Variants in ADCY2 observed in about 807,000 individuals in gnomAD.
The protein encoded by ADCY2 is adenylate cyclase 2, also known as adenylate cyclase type 2.
A neutral mutation model predicts 125.2 loss-of-function variants in ADCY2; 31 were observed. That is an observed-to-expected ratio of 0.25 (90% confidence interval 0.19 to 0.33). ADCY2 has a LOEUF of 0.33. ADCY2 is among the 10% of genes least tolerant of loss of function. The pLI, the probability that ADCY2 is intolerant of heterozygous loss-of-function variation, is 1.00. For missense variants in ADCY2, 904 were observed against 1,418.2 expected, an observed-to-expected ratio of 0.64 and a Z score of 5.82; for synonymous variants, 512 against 548.4, an observed-to-expected ratio of 0.93 and a Z score of 0.93.
chr5:7,568,912 G>T (rs1013258294), intron 3 of ADCY2, among the ~76,000 whole-genome samples: 3 of 152,142 alleles, frequency 2.0e-5, no homozygotes, highest in African/African-American at 7.2e-5. Context: ...AACATCTGTA[G>T]ACTTCCCATC....
chr5:7,652,858 C>T (rs921843469), intron 4 of ADCY2, among the ~76,000 whole-genome samples: 1 of 152,184 alleles, frequency 6.6e-6, no homozygotes, highest in African/African-American at 2.4e-5. Context: ...CCAAGACACA[C>T]TGACCTGTCA....
intron 4 of ADCY2, among the ~76,000 whole-genome samples, chr5:7,689,616 G>A (rs1248902639): frequency 6.6e-6 from 1 of 152,032 alleles, no homozygotes. Flanking sequence ...CCACCAAAGC[G>A]ATGTGCACTA....
intron 7 of ADCY2, among the ~76,000 whole-genome samples, chr5:7,701,851 C>T (rs1437567823): frequency 6.6e-6 from 1 of 152,114 alleles, no homozygotes; most frequent in East Asian, 1.9e-4. Context: ...GTGTAATATT[C>T]CCCCGTAGGT....
Position 7,773,022 on chromosome 5 carries a change from G to A in ADCY2, c.2305G>A (p.Ala769Thr), listed in dbSNP as rs998179745. 1 of 1,613,998 alleles carries A rather than the reference G, an allele frequency of 6.2e-7. No individual in the cohort carries two copies. The highest frequency in any genetic ancestry group is 8.5e-7 in the Non-Finnish European group (1 of 1,180,032). The change falls in exon 18 of 25, where the codon GCC (alanine) becomes ACC (threonine). Residue 769 changes from alanine to threonine, a missense_variant. Coordinates refer to ENST00000338316, the MANE Select transcript of ADCY2 (RefSeq NM_020546.3). ...YELKMLIMMVALVGYNTILLH... is the reference protein window; with the variant it reads ...YELKMLIMMVTLVGYNTILLH... ...GCTGAAGATGTTGATCATGATGGTGGCCTTGGTGGGCTACAACACCATCCT... is the reference window on the plus strand; with the variant it reads ...GCTGAAGATGTTGATCATGATGGTGACCTTGGTGGGCTACAACACCATCCT...
At chr5:7,784,908 A>G (rs1357037643) in intron 19 of ADCY2, among the ~76,000 whole-genome samples, 1 of 152,208 alleles carries the variant, frequency 6.6e-6, no homozygotes, top group Non-Finnish European at 1.5e-5. Flanking sequence ...CCCCTGTTAA[A>G]AAGTTTTATT....
chr5:7,716,155 A>G (rs1468579758), intron 11 of ADCY2, among the ~76,000 whole-genome samples: 1 of 152,208 alleles, frequency 6.6e-6, no homozygotes, highest in Non-Finnish European at 1.5e-5. Flanking sequence ...TATTATGGCT[A>G]AAGGTTATTT....
At chr5:7,533,359 G>T (rs867471058) in intron 3 of ADCY2, among the ~76,000 whole-genome samples, 1 of 151,910 alleles carries the variant, frequency 6.6e-6, no homozygotes, top group East Asian at 1.9e-4. Context: ...TTTGGGATTT[G>T]CTCTTTCTCC....
At chr5:7,538,250 T>C (rs1734885239) in intron 3 of ADCY2, among the ~76,000 whole-genome samples, 1 of 152,196 alleles carries the variant, frequency 6.6e-6, no homozygotes, top group Non-Finnish European at 1.5e-5. Flanking sequence ...AGCTTTAATT[T>C]TGGAGCCAGG....
chr5:7,709,142 G>A lies in ADCY2; in HGVS notation c.1402-69G>A. On this transcript the variant is annotated intron_variant, in intron 9 of 24. Transcript: ENST00000338316. The surrounding 1 kb of genome is among the most constrained non-coding windows in gnomAD (Gnocchi z 4.4). ...GGAGGAATGACCCTAGTCCAATGAG[G>A]TCGATGCCAAAAGGATCATGTGTGG... 1 of 1,446,064 alleles carries A rather than the reference G, an allele frequency of 6.9e-7. No individual in the cohort carries two copies. Among genetic ancestry groups the A allele is most frequent in the Non-Finnish European group, 9.2e-7 (1 of 1,089,226 alleles). The allele number at this position is 1,446,064 out of a possible 1,614,324, so 89.6% of individuals were successfully genotyped here.
At chr5:7,607,050 C>T (rs1238449900) in intron 3 of ADCY2, among the ~76,000 whole-genome samples, 1 of 152,160 alleles carries the variant, frequency 6.6e-6, no homozygotes, top group East Asian at 1.9e-4. Context: ...GCCCTTTGAT[C>T]CTGTTCTGCC....
intron 2 of ADCY2, among the ~76,000 whole-genome samples, chr5:7,501,148 G>T (rs969971172): frequency 2.8e-5 from 4 of 140,680 alleles, no homozygotes; most frequent in African/African-American, 1.1e-4. Context: ...AAAAAAAAAG[G>T]TCTACATTTT....
intron 20 of ADCY2, among the ~76,000 whole-genome samples, chr5:7,791,774 A>G (rs1744254219): frequency 6.6e-6 from 1 of 152,064 alleles, no homozygotes; most frequent in Admixed American, 6.5e-5. Flanking sequence ...GGATACAGAG[A>G]TGAATGGGAT....
chr5:7,592,596 A>C (rs893942430), intron 3 of ADCY2, among the ~76,000 whole-genome samples: 13 of 152,176 alleles, frequency 8.5e-5, no homozygotes, highest in African/African-American at 3.1e-4. Flanking sequence ...AATATATAAG[A>C]AAACTATAAG....
At chr5:7,543,604 G>A (rs964116008) in intron 3 of ADCY2, among the ~76,000 whole-genome samples, 4 of 152,088 alleles carry the variant, frequency 2.6e-5, no homozygotes, top group African/African-American at 9.7e-5. Flanking sequence ...AAGAGTAATT[G>A]CAAAAACCAC....
At chr5:7,666,764 C>A (rs552570830) in intron 4 of ADCY2, among the ~76,000 whole-genome samples, 2 of 152,298 alleles carry the variant, frequency 1.3e-5, no homozygotes, top group Admixed American at 1.3e-4. Flanking sequence ...GTTGATATTG[C>A]CCCCCTGGCT....
At chr5:7,569,248 G>T (rs907194170) in intron 3 of ADCY2, among the ~76,000 whole-genome samples, 1 of 152,076 alleles carries the variant, frequency 6.6e-6, no homozygotes. Flanking sequence ...AGAGGATACC[G>T]CAGGACAGAA....
chr5:7,702,390 C>A (rs2126340035), intron 7 of ADCY2, among the ~76,000 whole-genome samples: 1 of 152,042 alleles, frequency 6.6e-6, no homozygotes, highest in South Asian at 2.1e-4. Flanking sequence ...CCTCCCACCC[C>A]ACGACAGGCC....
At chr5:7,469,506 T>TA (rs1491361585) in intron 2 of ADCY2, among the ~76,000 whole-genome samples, 6 of 151,778 alleles carry the variant, frequency 4.0e-5, no homozygotes, top group Non-Finnish European at 8.8e-5. Context: ...GGAGAGAGAG[T>TA]ATATATATGT....
At chr5:7,617,242 C>T (rs1350790286) in intron 3 of ADCY2, among the ~76,000 whole-genome samples, 1 of 152,144 alleles carries the variant, frequency 6.6e-6, no homozygotes, top group African/African-American at 2.4e-5. Context: ...TTGGACTTTA[C>T]AGCTTCCAGA....
Sources: gnomAD v4.1 joint callset for allele counts (sites outside exome capture counted in the v4.1 genomes callset) on GRCh38, gnomAD v4.1.1 for gene constraint, Gnocchi (gnomAD v3.1) non-coding constraint, MANE v1.5 for transcripts, NCBI Gene and HGNC (gene_info 2026-07-23, HGNC 2026-07-21) for gene names.